The following TMEM63A variants were observed in gnomAD, a reference collection of about 807,000 sequenced individuals.
The protein encoded by TMEM63A is transmembrane protein 63A, also known as mechanosensitive cation channel TMEM63A.
In TMEM63A, 76 loss-of-function variants were observed where a neutral mutation model predicts 100.6. The ratio of observed to expected loss-of-function variants is 0.76; its 90% confidence interval spans 0.63 to 0.91. The LOEUF (loss-of-function observed/expected upper bound fraction) is 0.91. Ranked by LOEUF, TMEM63A falls within the 40% of genes least tolerant of loss-of-function variation. The pLI is 0.00. For synonymous variants in TMEM63A, 401 were observed against 401.1 expected, an observed-to-expected ratio of 1.00 and a Z score of 0.00; for missense variants, 876 against 1,008.8, an observed-to-expected ratio of 0.87 and a Z score of 1.78.
downstream of TMEM63A, chr1:225,845,151 AGGTCTATGTGCCCACT>A (rs1305025217): frequency 1.9e-6 from 3 of 1,613,978 alleles, no homozygotes; most frequent in Non-Finnish European, 2.5e-6. Flanking sequence ...TCCAGGATGA[AGGTCTATGTGCCCACT>A]GGCTTCTCTG....
intron 4 of TMEM63A, among the ~76,000 whole-genome samples, chr1:225,873,959 C>T (rs2102643091): frequency 6.6e-6 from 1 of 152,338 alleles, no homozygotes; most frequent in African/African-American, 2.4e-5. Context: ...GGGAGCTGAG[C>T]ATCTGAGCCT....
At position 225,862,611 on chromosome 1, in the gene TMEM63A, G is replaced by C; in HGVS notation, c.828-33C>G. The C allele has an allele frequency of 1.9e-6, 3 of 1,606,012 alleles. No individual in the cohort carries two copies. The highest frequency in any genetic ancestry group is 2.6e-6 in the Non-Finnish European group (3 of 1,174,898). ...GGTGGGAGCGGGGGCACAAACCTCA[G>C]ATTTAGAATCCTGTGGCAGGGACCC... is the stretch of plus-strand genomic sequence containing the variant. On this transcript the variant is annotated intron_variant, in intron 11 of 24. Coordinates refer to ENST00000366835, the MANE Select transcript of TMEM63A (RefSeq NM_014698.3). This position sits in a 1 kb window ranked among gnomAD's most constrained non-coding sequence, Gnocchi z 5.1.
rs1399313475 is a variant in TMEM63A, at chr1:225,881,853, T to G, written c.-206+451A>C. Among the ~76,000 whole-genome samples, 8 of 148,922 alleles carry G rather than the reference T, an allele frequency of 5.4e-5. No homozygotes were observed. In the East Asian group the frequency reaches 1.4e-3, roughly 27 times the overall value. On this transcript the variant is annotated intron_variant, in intron 1 of 24. Transcript: ENST00000366835. ...TCCCTCCTCAGGACTCCGCCAAGGC[T>G]GCAGGAAGTGGTCACCCAGGAACAG...
Position 225,853,837 on chromosome 1 carries a change from GA to G in TMEM63A, c.1635-47del, listed in dbSNP as rs1442230169. 2.6e-6 allele frequency: 4 copies of G among 1,513,302 alleles called. No individual in the cohort carries two copies. Among genetic ancestry groups the G allele is most frequent in the Non-Finnish European group, 3.5e-6 (4 of 1,130,490 alleles). 93.7% of individuals were successfully genotyped at this position (1,513,302 alleles called of 1,614,324 possible). A position where few individuals can be genotyped will look rare whatever the true frequency, so the allele number is the denominator to read the frequency against. The stretch of plus-strand genomic sequence containing the variant: ...GTCTGTGAGCTGAGAGCCGCTCTTG[GA>G]GGGAGAGGAGGGGCCCCTAGGCTGG... On this transcript the variant is annotated intron_variant, in intron 18 of 24. Coordinates refer to ENST00000366835, the MANE Select transcript of TMEM63A (RefSeq NM_014698.3). The surrounding 1 kb of genome is among the most constrained non-coding windows in gnomAD (Gnocchi z 4.0).
intron 3 of TMEM63A, among the ~76,000 whole-genome samples, chr1:225,875,194 C>T (rs1436931058): frequency 6.6e-6 from 1 of 152,216 alleles, no homozygotes; most frequent in East Asian, 1.9e-4. Flanking sequence ...CAAGGCACCA[C>T]GAGAACCTGT....
At chr1:225,850,995 G>A (rs189007393) in intron 20 of TMEM63A, among the ~76,000 whole-genome samples, 1 of 152,290 alleles carries the variant, frequency 6.6e-6, no homozygotes, top group East Asian at 1.9e-4. Flanking sequence ...ACAGGCGAGA[G>A]CCACCGCACC....
In TMEM63A at chr1:225,853,915, AC is replaced by A. The variant is rs1669482753; in HGVS notation, c.1635-125del. ...CTGTATACTCTTCCGTTCATTCAGC[AC>A]ATATTTGGGAAACACATCTGTGTGC... On this transcript the variant is annotated intron_variant, in intron 18 of 24. Coordinates refer to ENST00000366835, the MANE Select transcript of TMEM63A (RefSeq NM_014698.3). This position sits in a 1 kb window ranked among gnomAD's most constrained non-coding sequence, Gnocchi z 4.0. 2 of 973,264 alleles carry A rather than the reference AC, an allele frequency of 2.1e-6. No individual in the cohort carries two copies. Among genetic ancestry groups the A allele is most frequent in the African/African-American group, 3.3e-5 (2 of 60,394 alleles). 60.3% of individuals were successfully genotyped at this position (973,264 alleles called of 1,614,324 possible). A position where few individuals can be genotyped will look rare whatever the true frequency, so the allele number is the denominator to read the frequency against.
chr1:225,869,656 C>CTTTTA (rs773461431), intron 6 of TMEM63A, among the ~76,000 whole-genome samples: 1 of 22,618 alleles, frequency 4.4e-5, no homozygotes, highest in Non-Finnish European at 1.4e-4. Flanking sequence ...TTTCATATTT[C>CTTTTA]TTTTCTTTTC....
chr1:225,862,868 A>G lies in TMEM63A; in HGVS notation c.747-17T>C, dbSNP rs778240060. 5.0e-6 allele frequency: 8 copies of G among 1,612,532 alleles called. No individual in the cohort carries two copies. The highest frequency in any genetic ancestry group is 3.3e-5 in the Admixed American group (2 of 59,800). On this transcript the variant is annotated splice_polypyrimidine_tract_variant and intron_variant, in intron 10 of 24. Coordinates refer to ENST00000366835, the MANE Select transcript of TMEM63A (RefSeq NM_014698.3). The surrounding 1 kb of genome is among the most constrained non-coding windows in gnomAD (Gnocchi z 5.1). ...TACGCGTCCCTGTGGCCAGGGAGAG[A>G]AGGAGGCAAAAGACACCGTTGGAAA...
chr1:225,880,282 C>T (rs1671024176), intron 1 of TMEM63A, among the ~76,000 whole-genome samples: 1 of 152,184 alleles, frequency 6.6e-6, no homozygotes, highest in Admixed American at 6.5e-5. Flanking sequence ...CCTGTCCCTG[C>T]CCATTAGACA....
chr1:225,867,801 G>A lies in TMEM63A; in HGVS notation c.514+87C>T. 7 of 1,541,764 alleles carry A rather than the reference G, an allele frequency of 4.5e-6. No homozygotes were observed. The South Asian group carries it at 7.2e-5, about 16-fold the overall frequency. Reference sequence around the variant, plus strand: ...CATCTGAAGTGGGGCATGACTCCTGGGGTTCTGGTCTACCACAGTGAGCCC... The same window carrying A: ...CATCTGAAGTGGGGCATGACTCCTGAGGTTCTGGTCTACCACAGTGAGCCC... On this transcript the variant is annotated intron_variant, in intron 7 of 24. Coordinates refer to ENST00000366835, the MANE Select transcript of TMEM63A (RefSeq NM_014698.3). This position sits in a 1 kb window ranked among gnomAD's most constrained non-coding sequence, Gnocchi z 4.6.
intron 3 of TMEM63A, among the ~76,000 whole-genome samples, chr1:225,875,937 G>A (rs1007531001): frequency 6.6e-6 from 1 of 151,692 alleles, no homozygotes; most frequent in African/African-American, 2.4e-5. Context: ...ACGGTGGCAT[G>A]TGCTTGTAGT....
chr1:225,881,674 A>G (rs957301474), intron 1 of TMEM63A, among the ~76,000 whole-genome samples: 1 of 152,140 alleles, frequency 6.6e-6, no homozygotes, highest in Non-Finnish European at 1.5e-5. Flanking sequence ...TGAAGAGGAC[A>G]CCACCTGCCT....
intron 20 of TMEM63A, 54 bp downstream of exon 20, chr1:225,852,610 C>T: frequency 5.7e-6 from 9 of 1,566,198 alleles, no homozygotes; most frequent in African/African-American, 1.4e-5. Flanking sequence ...AGGTTTGGTG[C>T]AATCAGCCGT....
chr1:225,871,953 T>C lies in TMEM63A; in HGVS notation c.333+34A>G, dbSNP rs377218644. 7.5e-4 allele frequency: 1,156 copies of C among 1,551,594 alleles called. 7 individuals carry two copies. The highest frequency in any genetic ancestry group is 2.1e-3 in the African/African-American group (154 of 73,622). ...ACCATGACTGCCAGTCCCCACCCCC[T>C]GGCCATGACCACAACTGGGCCTTAG... On this transcript the variant is annotated intron_variant, in intron 5 of 24. Coordinates refer to ENST00000366835, the MANE Select transcript of TMEM63A (RefSeq NM_014698.3).
At position 225,847,111 on chromosome 1, in the gene TMEM63A, C is replaced by T. The variant is rs371101906; in HGVS notation, c.2353G>A (p.Gly785Arg). The stretch of plus-strand genomic sequence containing the variant: ...GCCAAGCACTGTCCAGGGATAGTCC[C>T]GCTGATGTTGTGGATGGCACCATAG... ...QTYGAIHNISGTIPGQCLAQS... is the reference protein window; with the variant it reads ...QTYGAIHNISRTIPGQCLAQS... Residue 785 changes from glycine (G) to arginine (R), a missense_variant, in exon 24 of 25, where the codon GGG (glycine) becomes AGG (arginine). By Grantham distance (125) the Gly-to-Arg change is moderately radical. This residue lies in a region of TMEM63A where 339 missense variants were observed against 342.3 expected (regional missense o/e 0.99). Transcript: ENST00000366835. 147 of 1,613,900 alleles carry T rather than the reference C, an allele frequency of 9.1e-5. 3 individuals carry two copies. The South Asian group carries it at 9.8e-4, about 11-fold the overall frequency.
chr1:225,853,750 T>C lies in TMEM63A; in HGVS notation c.1676A>G (p.Tyr559Cys), dbSNP rs1401600234. 1.9e-6 allele frequency: 3 copies of C among 1,607,902 alleles called. No individual in the cohort carries two copies. The highest frequency in any genetic ancestry group is 1.3e-5 in the African/African-American group (1 of 74,928). Residue 559 changes from tyrosine (Y) to cysteine (C), a missense_variant, in exon 19 of 25, where the codon TAT (tyrosine) becomes TGT (cysteine). Transcript: ENST00000366835. This position sits in a 1 kb window ranked among gnomAD's most constrained non-coding sequence, Gnocchi z 4.0. ...GCCGATGAAGGCCGAGGCGATGACA[T>C]AGTTCACAAAGAAGGCACCCTGGTC... ...LPDQGAFFVN[Y>C]VIASAFIGNG...
At chr1:225,879,886 AAG>A (rs1671003871) in intron 1 of TMEM63A, among the ~76,000 whole-genome samples, 1 of 152,228 alleles carries the variant, frequency 6.6e-6, no homozygotes. Context: ...GTGAAGTGGA[AAG>A]AAAAAACATC....
chr1:225,848,514 G>C lies in TMEM63A; in HGVS notation c.2228C>G (p.Ala743Gly). 1 of 1,614,116 alleles carries C rather than the reference G, an allele frequency of 6.2e-7. No individual in the cohort carries two copies. Among genetic ancestry groups the C allele is most frequent in the Non-Finnish European group, 8.5e-7 (1 of 1,180,034 alleles). ...PASDKGSEAE[A>G]HMPPPFTPYV... Reference sequence around the variant, plus strand: ...TACTGTGAACGGTGGGGGCATGTGGGCCTCTGCCTCACTTCCTTTGTCACT... The same window carrying C: ...TACTGTGAACGGTGGGGGCATGTGGCCCTCTGCCTCACTTCCTTTGTCACT... Residue 743 changes from alanine (A) to glycine (G), a missense_variant, in exon 23 of 25, where the codon GCC (alanine) becomes GGC (glycine). By Grantham distance (60) the Ala-to-Gly change is moderately conservative (BLOSUM62 0). This residue lies in a region of TMEM63A where 339 missense variants were observed against 342.3 expected (regional missense o/e 0.99). Transcript: ENST00000366835.
Sources: allele counts gnomAD v4.1 joint callset (sites outside exome capture counted in the v4.1 genomes callset), GRCh38; gene constraint gnomAD v4.1.1; regional missense constraint gnomAD v4.1.1; non-coding constraint Gnocchi (gnomAD v3.1); transcripts MANE v1.5; gene names NCBI Gene and HGNC (gene_info 2026-07-23, HGNC 2026-07-21).